The following OLA1 variants were observed in gnomAD, a reference collection of about 807,000 sequenced individuals.
OLA1 encodes the protein obg-like ATPase 1.
A neutral mutation model predicts 48.4 loss-of-function variants in OLA1; 14 were observed. That is an observed-to-expected ratio of 0.29 (90% confidence interval 0.19 to 0.45). The LOEUF (loss-of-function observed/expected upper bound fraction) is 0.45, where lower values mean the gene tolerates loss of function less well. Ranked by LOEUF, OLA1 falls within the 20% of genes least tolerant of loss-of-function variation. OLA1 has a pLI of 1.00. For missense variants in OLA1, 325 were observed against 467.1 expected (o/e 0.70, Z 2.80); for synonymous variants, 127 against 150.4 (o/e 0.84, Z 1.14).
chr2:174,215,809 T>A lies in OLA1; in HGVS notation c.373+7224A>T, dbSNP rs1362854971. ...GTCCATATTGTACTACCATAATTAT[T>A]TCACAGCCACCTCCGGTTGCTATTG... On this transcript the variant is annotated intron_variant, in intron 4 of 10. Coordinates refer to ENST00000284719, the MANE Select transcript of OLA1 (RefSeq NM_013341.5). Among the ~76,000 whole-genome samples, 3 of 152,350 alleles carry A rather than the reference T, an allele frequency of 2.0e-5. No homozygotes were observed. In the East Asian group the frequency reaches 5.8e-4, roughly 29 times the overall value.
intron 4 of OLA1, among the ~76,000 whole-genome samples, chr2:174,206,950 C>T (rs1337370925): frequency 6.6e-6 from 1 of 152,102 alleles, no homozygotes. Context: ...TTTTAGGATA[C>T]AATCAAAGAC....
intron 4 of OLA1, among the ~76,000 whole-genome samples, chr2:174,158,643 T>C (rs1210254810): frequency 3.3e-5 from 5 of 152,142 alleles, no homozygotes; most frequent in African/African-American, 9.7e-5. Flanking sequence ...CTTTACGACA[T>C]GATTTTCCAC....
intron 4 of OLA1, among the ~76,000 whole-genome samples, chr2:174,144,946 AAAAAAATAT>A (rs1274421742): frequency 6.5e-5 from 5 of 76,902 alleles, no homozygotes; most frequent in African/African-American, 8.6e-5. Context: ...AAAAAAAAAA[AAAAAAATAT>A]ATATATATAT....
intron 4 of OLA1, among the ~76,000 whole-genome samples, chr2:174,178,286 A>G (rs1175743078): frequency 6.6e-6 from 1 of 152,022 alleles, no homozygotes. Flanking sequence ...CAAAAGTTAA[A>G]AACACCTATT....
intron 4 of OLA1, among the ~76,000 whole-genome samples, chr2:174,220,111 G>A (rs1249392365): frequency 6.6e-6 from 1 of 152,162 alleles, no homozygotes; most frequent in Non-Finnish European, 1.5e-5. Context: ...CAGCCTGGGA[G>A]ACAGAGCAAG....
intron 2 of OLA1, among the ~76,000 whole-genome samples, chr2:174,230,904 G>A (rs1015506591): frequency 7.2e-5 from 11 of 152,170 alleles, no homozygotes; most frequent in African/African-American, 2.2e-4. Context: ...CAAAAAATTT[G>A]GAAGAAGTGA....
At chr2:174,123,071 G>A (rs1685953804) in intron 7 of OLA1, 109 bp downstream of exon 7, 2 of 594,076 alleles carry the variant, frequency 3.4e-6, no homozygotes, top group Admixed American at 3.8e-5. Flanking sequence ...TTTTAATAAG[G>A]AGAAAAATAT....
intron 7 of OLA1, among the ~76,000 whole-genome samples, chr2:174,117,371 T>C (rs1685807513): frequency 6.6e-6 from 1 of 152,190 alleles, no homozygotes. Flanking sequence ...CTACTTATAG[T>C]AGCAAATAAA....
chr2:174,091,554 A>G (rs1685112885), intron 7 of OLA1, among the ~76,000 whole-genome samples: 1 of 152,234 alleles, frequency 6.6e-6, no homozygotes, highest in Non-Finnish European at 1.5e-5. Context: ...CAGGTACTTC[A>G]TTCAGATTTC....
At chr2:174,163,759 TATATATATATATATATAAATA>T (rs1687085084) in intron 4 of OLA1, among the ~76,000 whole-genome samples, 3 of 37,004 alleles carry the variant, frequency 8.1e-5, no homozygotes, top group African/African-American at 3.4e-4. Flanking sequence ...TATATATATA[TATATATATATATATATAAATA>T]AATGTTTGGG....
At chr2:174,144,864 T>C (rs1686541700) in intron 4 of OLA1, among the ~76,000 whole-genome samples, 2 of 144,076 alleles carry the variant, frequency 1.4e-5, no homozygotes, top group South Asian at 2.2e-4. Flanking sequence ...GGGAGACTGC[T>C]TGAACCCGGG....
chr2:174,159,888 T>A (rs1209643181), intron 4 of OLA1, among the ~76,000 whole-genome samples: 2 of 152,076 alleles, frequency 1.3e-5, no homozygotes, highest in Non-Finnish European at 2.9e-5. Flanking sequence ...TTTTTATATG[T>A]CACACCTTGA....
intron 5 of OLA1, among the ~76,000 whole-genome samples, chr2:174,139,453 T>G (rs1176987435): frequency 1.3e-5 from 2 of 152,220 alleles, no homozygotes; most frequent in African/African-American, 4.8e-5. Context: ...TCATGGTGCT[T>G]GTTACAGCAA....
At chr2:174,189,385 G>T (rs1281005202) in intron 4 of OLA1, among the ~76,000 whole-genome samples, 1 of 151,988 alleles carries the variant, frequency 6.6e-6, no homozygotes, top group South Asian at 2.1e-4. Context: ...AAAAAAATCT[G>T]CAACTCATAC....
chr2:174,216,578 G>T (rs1574557718), intron 4 of OLA1, among the ~76,000 whole-genome samples: 1 of 151,876 alleles, frequency 6.6e-6, no homozygotes, highest in East Asian at 1.9e-4. Context: ...TTTAAGACAG[G>T]GTCTCACTCT....
intron 1 of OLA1, chr2:174,247,886 C>A: frequency 1.6e-6 from 2 of 1,262,164 alleles, no homozygotes; most frequent in Non-Finnish European, 2.2e-6. Context: ...CACCCTTGGA[C>A]TGCAAAGTGA....
At chr2:174,222,741 C>A (rs1016681346) in intron 4 of OLA1, among the ~76,000 whole-genome samples, 12 of 152,134 alleles carry the variant, frequency 7.9e-5, no homozygotes, top group Admixed American at 7.9e-4. Context: ...AATGCCTTTA[C>A]AATGAACAAA....
chr2:174,105,990 T>C (rs1318431255), intron 7 of OLA1, among the ~76,000 whole-genome samples: 1 of 147,510 alleles, frequency 6.8e-6, no homozygotes, highest in African/African-American at 2.5e-5. Context: ...TCTCTTTTTG[T>C]TGGCTGTCAA....
chr2:174,093,737 G>A (rs928358069), intron 7 of OLA1, among the ~76,000 whole-genome samples: 5 of 152,208 alleles, frequency 3.3e-5, no homozygotes, highest in Non-Finnish European at 7.3e-5. Flanking sequence ...TCTAGAGACT[G>A]TGAAACTCAG....
Sources: gnomAD v4.1 joint callset for allele counts (sites outside exome capture counted in the v4.1 genomes callset) on GRCh38, gnomAD v4.1.1 for gene constraint, MANE v1.5 for transcripts, NCBI Gene and HGNC (gene_info 2026-07-23, HGNC 2026-07-21) for gene names.